TPD52L1: variants seen among roughly 807,000 people sequenced by gnomAD.
TPD52L1 encodes the protein tumor protein D53.
Under a neutral mutation model 28.7 loss-of-function variants are expected in TPD52L1, and 18 were observed. The observed-to-expected ratio is 0.63, with a 90% CI of 0.43 to 0.93. TPD52L1 has a LOEUF of 0.93. Ranked by LOEUF, TPD52L1 falls within the 40% of genes least tolerant of loss-of-function variation. The probability of loss-of-function intolerance (pLI) is 0.00; values close to 1 mark genes in which losing one functional copy is unlikely to be tolerated. For missense variants in TPD52L1, 203 were observed against 254.8 expected, an observed-to-expected ratio of 0.80 and a Z score of 1.39; for synonymous variants, 75 against 88.8, an observed-to-expected ratio of 0.84 and a Z score of 0.88.
At chr6:125,221,223 A>G (rs1266170288) in intron 2 of TPD52L1, among the ~76,000 whole-genome samples, 1 of 152,212 alleles carries the variant, frequency 6.6e-6, no homozygotes, top group Non-Finnish European at 1.5e-5. Context: ...CCTCTGGTAT[A>G]ACCAAAAATG....
chr6:125,162,641 TA>T (rs1463561071), intron 1 of TPD52L1, among the ~76,000 whole-genome samples: 7 of 152,224 alleles, frequency 4.6e-5, no homozygotes, highest in Non-Finnish European at 8.8e-5. Flanking sequence ...TCTGACATGT[TA>T]CTTACCATTA....
intron 1 of TPD52L1, among the ~76,000 whole-genome samples, chr6:125,155,200 T>G (rs1171890738): frequency 6.6e-6 from 1 of 152,252 alleles, no homozygotes; most frequent in East Asian, 1.9e-4. Context: ...TTGGTCAAAT[T>G]CAAAAGCAGA....
chr6:125,252,849 C>G (rs1364028549), intron 4 of TPD52L1: 26 of 152,186 alleles, frequency 1.7e-4, no homozygotes, highest in Admixed American at 1.7e-3. Context: ...CATACTAATG[C>G]CCTCAGTGGA....
intron 6 of TPD52L1, chr6:125,260,972 GAAAGAAAAGAAA>G (rs1797940108): frequency 2.0e-5 from 1 of 51,246 alleles, no homozygotes; most frequent in African/African-American, 1.5e-4. Flanking sequence ...AAGAAAGAAA[GAAAGAAAAGAAA>G]AGAAAGAAAG....
intron 2 of TPD52L1, among the ~76,000 whole-genome samples, chr6:125,222,895 AAAAG>A (rs1427062494): frequency 6.6e-6 from 1 of 152,246 alleles, no homozygotes; most frequent in Non-Finnish European, 1.5e-5. Context: ...CTGGAAAAGA[AAAAG>A]AAAACAAACT....
chr6:125,191,508 C>T (rs2114859236), intron 1 of TPD52L1, among the ~76,000 whole-genome samples: 1 of 152,294 alleles, frequency 6.6e-6, no homozygotes, highest in Non-Finnish European at 1.5e-5. Flanking sequence ...TTTCTTCTAA[C>T]TGAAACAGTG....
chr6:125,202,811 G>A (rs927626281), intron 1 of TPD52L1, among the ~76,000 whole-genome samples: 1 of 128,032 alleles, frequency 7.8e-6, no homozygotes, highest in Non-Finnish European at 1.5e-5. Context: ...TGTCACCCAG[G>A]CTGGAGTGCA....
chr6:125,191,917 A>G (rs1424381228), intron 1 of TPD52L1, among the ~76,000 whole-genome samples: 1 of 152,210 alleles, frequency 6.6e-6, no homozygotes, highest in African/African-American at 2.4e-5. Context: ...TAGCATATGG[A>G]CTTTGCTATT....
chr6:125,176,272 T>C (rs116425624), intron 1 of TPD52L1, among the ~76,000 whole-genome samples: 3,445 of 152,324 alleles, frequency 0.023, 144 homozygotes, highest in African/African-American at 0.077. Context: ...ATGTCCGTAT[T>C]CTTGTTGCTT....
At chr6:125,253,954 T>C in intron 5 of TPD52L1, 199 bp downstream of exon 5, 1 of 755,692 alleles carries the variant, frequency 1.3e-6, no homozygotes, top group Non-Finnish European at 2.4e-6. Context: ...AAATCTAGTC[T>C]TTCCTGTGTG....
At chr6:125,189,136 C>T (rs1792862765) in intron 1 of TPD52L1, among the ~76,000 whole-genome samples, 1 of 152,210 alleles carries the variant, frequency 6.6e-6, no homozygotes, top group Admixed American at 6.5e-5. Context: ...CCTAAGCTTT[C>T]TTGGATTCCT....
At chr6:125,203,910 T>A (rs866052645) in intron 1 of TPD52L1, 1 of 506,312 alleles carries the variant, frequency 2.0e-6, no homozygotes. Context: ...AGTAGAGCTG[T>A]CTTTTACTGA....
chr6:125,192,422 A>T (rs1793111456), intron 1 of TPD52L1, among the ~76,000 whole-genome samples: 1 of 151,868 alleles, frequency 6.6e-6, no homozygotes, highest in South Asian at 2.1e-4. Flanking sequence ...ACAGAGTTGC[A>T]GCTGTGATGT....
At chr6:125,191,148 C>T (rs1302776201) in intron 1 of TPD52L1, among the ~76,000 whole-genome samples, 4 of 152,208 alleles carry the variant, frequency 2.6e-5, no homozygotes, top group Non-Finnish European at 5.9e-5. Context: ...TGGAATCATT[C>T]CTTGCTGATC....
chr6:125,163,646 C>T (rs1790675783), intron 1 of TPD52L1, among the ~76,000 whole-genome samples: 1 of 150,752 alleles, frequency 6.6e-6, no homozygotes, highest in African/African-American at 2.4e-5. Flanking sequence ...GTACAACAGG[C>T]CGGGCGTGGT....
intron 1 of TPD52L1, among the ~76,000 whole-genome samples, chr6:125,183,859 T>C (rs1395888935): frequency 6.6e-6 from 1 of 152,172 alleles, no homozygotes; most frequent in South Asian, 2.1e-4. Flanking sequence ...TGGGAATGTA[T>C]ACGATATGAG....
At chr6:125,167,553 T>C (rs1255641257) in intron 1 of TPD52L1, among the ~76,000 whole-genome samples, 1 of 152,208 alleles carries the variant, frequency 6.6e-6, no homozygotes. Flanking sequence ...TTAGAGAATA[T>C]GTAGAAATAA....
intron 1 of TPD52L1, among the ~76,000 whole-genome samples, chr6:125,171,380 A>G (rs1791288783): frequency 6.6e-6 from 1 of 152,096 alleles, no homozygotes; most frequent in African/African-American, 2.4e-5. Context: ...TTCTTGTATA[A>G]TTTCCCTAGT....
intron 5 of TPD52L1, among the ~76,000 whole-genome samples, chr6:125,254,400 C>T (rs1171209222): frequency 2.6e-5 from 4 of 152,182 alleles, no homozygotes; most frequent in Non-Finnish European, 5.9e-5. Context: ...AATGCAGGCT[C>T]TAGCCCAGCT....
Sources: allele counts gnomAD v4.1 joint callset (sites outside exome capture counted in the v4.1 genomes callset), GRCh38; gene constraint gnomAD v4.1.1; transcripts MANE v1.5; gene names NCBI Gene and HGNC (gene_info 2026-07-23, HGNC 2026-07-21).